The following ZNF185 variants were observed in gnomAD, a reference collection of about 807,000 sequenced individuals.
ZNF185 encodes the protein zinc finger protein 185.
ZNF185 carries 56 observed loss-of-function variants against 58.6 expected under a neutral mutation model. That is an observed-to-expected ratio of 0.95 (90% confidence interval 0.77 to 1.19). The LOEUF is 1.19. Ranked by LOEUF, ZNF185 falls within the 50% of genes most tolerant of loss-of-function variation. The pLI, the probability that ZNF185 is intolerant of heterozygous loss-of-function variation, is 0.00. For synonymous variants in ZNF185, 230 were observed against 215.9 expected (o/e 1.07, Z -0.57); for missense variants, 627 against 573.5 (o/e 1.09, Z -0.95).
intron 18 of ZNF185, among the ~76,000 whole-genome samples, chrX:152,964,879 A>T (rs1556913288): frequency 9.0e-6 from 1 of 111,474 alleles, no homozygotes; most frequent in East Asian, 2.8e-4. Flanking sequence ...GCCCAGCATG[A>T]TGCAGACCTT....
intron 9 of ZNF185, among the ~76,000 whole-genome samples, chrX:152,921,560 G>T (rs781987722): frequency 9.0e-6 from 1 of 110,806 alleles, no homozygotes. Flanking sequence ...GGCTGCATTT[G>T]GTTCCTGTGG....
chrX:152,939,787 T>G (rs12849678), intron 15 of ZNF185, among the ~76,000 whole-genome samples: 13 of 85,229 alleles, frequency 1.5e-4, no homozygotes, highest in African/African-American at 3.1e-4. Context: ...TTTTTTTTTT[T>G]TTTTTTTTTT....
At chrX:152,914,522 A>C in exon 1 of ZNF185, 5 of 1,179,393 alleles carry the variant, frequency 4.2e-6, no homozygotes, top group Non-Finnish European at 5.7e-6. Context: ...GCCGCACCAA[A>C]GGTGAGGCCT....
chrX:152,917,807 A>G, intron 5 of ZNF185: 1 of 1,057,368 alleles, frequency 9.5e-7, no homozygotes, highest in Non-Finnish European at 1.2e-6. Context: ...GTCAGACTGG[A>G]AAGGCCAAGG....
intron 13 of ZNF185, among the ~76,000 whole-genome samples, chrX:152,932,321 C>T (rs1039693726): frequency 1.7e-4 from 19 of 112,342 alleles, no homozygotes; most frequent in African/African-American, 5.5e-4. Flanking sequence ...GGAGCCATAG[C>T]GGTGGATGAT....
intron 14 of ZNF185, 76 bp from the exon 17 acceptor site, chrX:152,937,998 C>G: frequency 1.0e-6 from 1 of 995,216 alleles, no homozygotes; most frequent in Non-Finnish European, 1.4e-6. Flanking sequence ...GGTGAGAAGG[C>G]AGCCTGGAGG....
chrX:152,938,876 G>A (rs2046736531), intron 15 of ZNF185, among the ~76,000 whole-genome samples: 1 of 99,688 alleles, frequency 1.0e-5, no homozygotes, highest in African/African-American at 4.1e-5. Flanking sequence ...TACTTAGGTG[G>A]GTGGAAAAGG....
At chrX:152,914,716 C>T (rs1385772514) in exon 2 of ZNF185, 1 of 1,197,635 alleles carries the variant, frequency 8.3e-7, no homozygotes, top group African/African-American at 1.8e-5. Context: ...ACAGGGAAGC[C>T]TCTGCCACCA....
intron 17 of ZNF185, among the ~76,000 whole-genome samples, chrX:152,960,878 C>T (rs2049390945): frequency 2.7e-5 from 3 of 111,780 alleles, no homozygotes; most frequent in Non-Finnish European, 5.6e-5. Flanking sequence ...ACATTTTACC[C>T]ATTCCTGCCA....
At chrX:152,964,773 G>T (rs1232015185) in intron 18 of ZNF185, among the ~76,000 whole-genome samples, 1 of 110,639 alleles carries the variant, frequency 9.0e-6, no homozygotes, top group Non-Finnish European at 1.9e-5. Flanking sequence ...TGTTGGGGGC[G>T]GGAGGGGGGC....
intron 20 of ZNF185, among the ~76,000 whole-genome samples, chrX:152,968,729 G>C (rs781887791): frequency 1.8e-5 from 2 of 113,010 alleles, no homozygotes; most frequent in East Asian, 5.6e-4. Flanking sequence ...CTGGAAGAAA[G>C]TACCCTGAAT....
Position 152,931,567 on chromosome X carries a change from G to T in ZNF185, c.918-105G>T, listed in dbSNP as rs957168408. 31 of 693,744 alleles carry T rather than the reference G, an allele frequency of 4.5e-5. No homozygotes were observed. In the African/African-American group the frequency reaches 6.6e-4, roughly 15 times the overall value. The allele number at this position is 693,744 out of a possible 1,213,427, so 57.2% of individuals were successfully genotyped here. A position where few individuals can be genotyped will look rare whatever the true frequency, so the allele number is the denominator to read the frequency against. ...GCCACTGCACCCGGCCCAGTAGCAG[G>T]TTTTAAGCTCCGTGGAGACAGCTGG... On this transcript the variant is annotated intron_variant, in intron 12 of 22. Transcript: ENST00000449285.
At chrX:152,940,419 T>TGGTCGG (rs2047046137) in intron 15 of ZNF185, among the ~76,000 whole-genome samples, 1 of 30,796 alleles carries the variant, frequency 3.2e-5, no homozygotes, top group South Asian at 2.0e-3. Flanking sequence ...GCTGGGAGTG[T>TGGTCGG]GGTGGGGGTG....
At chrX:152,951,971 C>T (rs1343557713) in intron 16 of ZNF185, among the ~76,000 whole-genome samples, 2 of 112,147 alleles carry the variant, frequency 1.8e-5, no homozygotes, top group African/African-American at 6.5e-5. Flanking sequence ...TGCCTTTAAG[C>T]TTACATATTA....
chrX:152,964,465 C>T (rs1450520933), intron 18 of ZNF185, among the ~76,000 whole-genome samples: 21 of 112,107 alleles, frequency 1.9e-4, no homozygotes, highest in African/African-American at 6.2e-4. Context: ...TCACATGGCA[C>T]GAGCAGGAAC....
chrX:152,916,814 C>T (rs782459706), intron 3 of ZNF185, among the ~76,000 whole-genome samples: 37 of 112,793 alleles, frequency 3.3e-4, no homozygotes, highest in African/African-American at 1.1e-3. Context: ...AGCAGTGCTC[C>T]GTCGGCGCAG....
intron 15 of ZNF185, chrX:152,941,666 G>C (rs1556889646): frequency 1.7e-6 from 2 of 1,160,926 alleles, no homozygotes; most frequent in Non-Finnish European, 2.3e-6. Flanking sequence ...CCCGAACTCG[G>C]TCGCAGTGCC....
intron 12 of ZNF185, 143 bp from the exon 14 acceptor site, chrX:152,931,529 G>A (rs189409432): frequency 2.2e-6 from 1 of 457,098 alleles, no homozygotes; most frequent in Non-Finnish European, 3.6e-6. Context: ...AAAATGCTGG[G>A]TTATAGGCGT....
At chrX:152,959,777 AGGT>A (rs782734179) in exon 17 of ZNF185, 6 of 1,210,255 alleles carry the variant, frequency 5.0e-6, no homozygotes, top group African/African-American at 1.7e-5. Flanking sequence ...GAGCCCCAAG[AGGT>A]GGCCAAGGAG....
Sources: allele counts gnomAD v4.1 joint callset (sites outside exome capture counted in the v4.1 genomes callset), GRCh38; gene constraint gnomAD v4.1.1; transcripts MANE v1.5; gene names NCBI Gene and HGNC (gene_info 2026-07-23, HGNC 2026-07-21).